The following IQSEC1 variants were observed in gnomAD, a reference collection of about 807,000 sequenced individuals.
The protein encoded by IQSEC1 is IQ motif and SEC7 domain-containing protein 1.
In IQSEC1, 31 loss-of-function variants were observed where a neutral mutation model predicts 91.0. The observed-to-expected ratio is 0.34, with a 90% CI of 0.26 to 0.46. The LOEUF (loss-of-function observed/expected upper bound fraction) is 0.46. Among genes scored for constraint, IQSEC1 ranks in the 20% least tolerant of loss-of-function variants. The probability of loss-of-function intolerance (pLI) is 1.00; values close to 1 mark genes in which losing one functional copy is unlikely to be tolerated. For synonymous variants in IQSEC1, 699 were observed against 662.6 expected (o/e 1.05, Z -0.84); for missense variants, 1,388 against 1,575.6 (o/e 0.88, Z 2.02).
At position 13,194,842 on chromosome 3, in the gene IQSEC1, C is replaced by T. The variant is rs147066262; in HGVS notation, c.273-30709G>A. Among the ~76,000 whole-genome samples, 56 of 152,286 alleles carry T rather than the reference C, an allele frequency of 3.7e-4. No individual in the cohort carries two copies. In the East Asian group the frequency reaches 0.01, roughly 27 times the overall value. ...CAAACTCCAGCCTCAACCTCAGACC[C>T]TAACCCAAAGTGGATCATCGGCTTA... is the stretch of plus-strand genomic sequence containing the variant. On this transcript the variant is annotated intron_variant, in intron 1 of 15. Coordinates refer to the IQSEC1 transcript ENST00000648114.
chr3:13,064,665 C>A (rs142587306), intron 1 of IQSEC1, among the ~76,000 whole-genome samples: 62 of 152,200 alleles, frequency 4.1e-4, no homozygotes, highest in African/African-American at 1.3e-3. Flanking sequence ...CCCTCGACTG[C>A]GAGAGCAGTT....
In IQSEC1 at chr3:12,922,018, C is replaced by T; in HGVS notation, c.1853+102G>A. 7.1e-7 allele frequency: 1 copy of T among 1,400,512 alleles called. No homozygotes were observed. Among genetic ancestry groups the T allele is most frequent in the Non-Finnish European group, 9.5e-7 (1 of 1,050,580 alleles). The allele number at this position is 1,400,512 out of a possible 1,614,324, so 86.8% of individuals were successfully genotyped here. A position where few individuals can be genotyped will look rare whatever the true frequency, so the allele number is the denominator to read the frequency against. On this transcript the variant is annotated intron_variant, in intron 5 of 13. Coordinates refer to ENST00000613206, the MANE Select transcript of IQSEC1 (RefSeq NM_001134382.3). The surrounding 1 kb of genome is among the most constrained non-coding windows in gnomAD (Gnocchi z 5.1). Reference sequence around the variant, plus strand: ...AACATTCAGGGACACCTGGCCCTGTCTAGGGATGGTGGGGATGCAGTCTTT... The same window carrying T: ...AACATTCAGGGACACCTGGCCCTGTTTAGGGATGGTGGGGATGCAGTCTTT...
At chr3:13,275,219 T>C (rs1695654349) in intron 1 of IQSEC1, among the ~76,000 whole-genome samples, 1 of 152,244 alleles carries the variant, frequency 6.6e-6, no homozygotes, top group Non-Finnish European at 1.5e-5. Context: ...CGGTTATTGC[T>C]GTGGCCTCAC....
chr3:12,910,068 A>G (rs1177560064), intron 10 of IQSEC1, among the ~76,000 whole-genome samples: 1 of 152,238 alleles, frequency 6.6e-6, no homozygotes, highest in Admixed American at 6.5e-5. Context: ...ACATGTATGT[A>G]TATGCAGCCC....
intron 2 of IQSEC1, among the ~76,000 whole-genome samples, chr3:13,154,677 C>T (rs1707059304): frequency 6.6e-6 from 1 of 150,758 alleles, no homozygotes; most frequent in Non-Finnish European, 1.5e-5. Context: ...AACGCAGAGT[C>T]CTCTAGTGGA....
At chr3:13,014,741 AC>A (rs1481614454) in intron 1 of IQSEC1, among the ~76,000 whole-genome samples, 3 of 151,966 alleles carry the variant, frequency 2.0e-5, no homozygotes, top group Non-Finnish European at 2.9e-5. Context: ...TGGCCCAAGG[AC>A]CCCAAGAGGT....
intron 2 of IQSEC1, among the ~76,000 whole-genome samples, chr3:13,109,909 G>A (rs963762436): frequency 2.0e-5 from 3 of 146,926 alleles, no homozygotes; most frequent in Non-Finnish European, 4.5e-5. Context: ...TTTTGAGACG[G>A]AGTCTAGCTG....
intron 1 of IQSEC1, among the ~76,000 whole-genome samples, chr3:12,949,690 T>C (rs1699409767): frequency 6.6e-6 from 1 of 152,196 alleles, no homozygotes; most frequent in Non-Finnish European, 1.5e-5. Flanking sequence ...GGGGATGGTC[T>C]TGTTCTGCAC....
In IQSEC1 at chr3:12,936,197, G is replaced by A. The variant is rs780905093; in HGVS notation, c.819C>T (p.Gly273=). ...RDTEPQTALH[G]MDHRKLDEMT... is the part of the protein sequence containing the mutation. ...TCTCGTCCAGTTTGCGGTGGTCCATGCCGTGCAGGGCTGTCTGGGGTTCGG... is the reference window on the plus strand; with the variant it reads ...TCTCGTCCAGTTTGCGGTGGTCCATACCGTGCAGGGCTGTCTGGGGTTCGG... Residue 273 remains glycine, a synonymous_variant, in exon 3 of 14, where the codon GGC becomes GGT. Transcript: ENST00000613206. 5.0e-6 allele frequency: 8 copies of A among 1,613,032 alleles called. No homozygotes were observed. The highest frequency in any genetic ancestry group is 1.7e-5 in the Admixed American group (1 of 60,032).
intron 1 of IQSEC1, among the ~76,000 whole-genome samples, chr3:13,039,302 G>A (rs1198092397): frequency 2.0e-5 from 3 of 152,190 alleles, no homozygotes; most frequent in South Asian, 2.1e-4. Context: ...TCCCCTGCCC[G>A]AGCCTCTGGC....
At chr3:13,227,375 CAAAAAA>C (rs753199634) in intron 1 of IQSEC1, among the ~76,000 whole-genome samples, 3 of 70,060 alleles carry the variant, frequency 4.3e-5, no homozygotes, top group Non-Finnish European at 7.5e-5. Context: ...GACTCTGTCT[CAAAAAA>C]AAAAAAAAAA....
At position 13,121,995 on chromosome 3, in the gene IQSEC1, G is replaced by A. The variant is rs571376026; in HGVS notation, c.302+42109C>T. On this transcript the variant is annotated intron_variant, in intron 2 of 15. Transcript: ENST00000648114. ...CTGAAATAGTTCAGGTCGGCCAGGC[G>A]CAGGCAGGAGCTGACAGCACTGGCC... Among the ~76,000 whole-genome samples, 210 of 152,368 alleles carry A rather than the reference G, an allele frequency of 1.4e-3. 1 individual carries two copies. Among genetic ancestry groups the A allele is most frequent in the South Asian group, 7.9e-3 (38 of 4,832 alleles).
At chr3:12,956,908 C>T (rs1208650364) in intron 1 of IQSEC1, among the ~76,000 whole-genome samples, 4 of 152,204 alleles carry the variant, frequency 2.6e-5, no homozygotes, top group Non-Finnish European at 5.9e-5. Flanking sequence ...CCAACGGGAG[C>T]GTGGGAATCG....
At chr3:13,076,160 C>A (rs1342304393), upstream of IQSEC1, among the ~76,000 whole-genome samples, 1 of 152,196 alleles carries the variant, frequency 6.6e-6, no homozygotes, top group East Asian at 1.9e-4. Flanking sequence ...GGTTGCTGCC[C>A]TGTGACCCTG....
At chr3:13,095,280 C>T (rs1222648753) in intron 2 of IQSEC1, among the ~76,000 whole-genome samples, 1 of 152,086 alleles carries the variant, frequency 6.6e-6, no homozygotes, top group Non-Finnish European at 1.5e-5. Flanking sequence ...CCGACCCCCA[C>T]CTCCCAGGGC....
In IQSEC1 at chr3:12,994,457, C is replaced by A. The variant is rs1191955483; in HGVS notation, c.24-52592G>T. On this transcript the variant is annotated intron_variant, in intron 1 of 13. Coordinates refer to ENST00000613206, the MANE Select transcript of IQSEC1 (RefSeq NM_001134382.3). The surrounding 1 kb of genome is among the most constrained non-coding windows in gnomAD (Gnocchi z 4.5). Reference sequence around the variant, plus strand: ...GGTGCAGCCGCTGCAGCGGATGGGTCAGGAGAGCGGGGTACGCGGGGTCCA... The same window carrying A: ...GGTGCAGCCGCTGCAGCGGATGGGTAAGGAGAGCGGGGTACGCGGGGTCCA... 4.6e-5 allele frequency among the ~76,000 whole-genome samples: 7 copies of A among 151,988 alleles called. No homozygotes were observed. The highest frequency in any genetic ancestry group is 1.7e-4 in the African/African-American group (7 of 41,392).
intron 7 of IQSEC1, among the ~76,000 whole-genome samples, 200 bp from the exon 8 acceptor site, chr3:12,915,333 G>A (rs1172130595): frequency 1.3e-5 from 2 of 152,194 alleles, no homozygotes; most frequent in Non-Finnish European, 2.9e-5. Flanking sequence ...AGTGTCGGGT[G>A]CCCAGAACTC....
intron 1 of IQSEC1, among the ~76,000 whole-genome samples, chr3:12,988,444 T>C (rs2006859): frequency 0.031 from 4,723 of 152,012 alleles, 133 homozygotes; most frequent in Admixed American, 0.05. Context: ...TAAAAATAAA[T>C]ACAATAAAAA....
intron 1 of IQSEC1, among the ~76,000 whole-genome samples, chr3:13,234,379 G>GAC (rs5846805): frequency 4.5e-5 from 5 of 110,594 alleles, no homozygotes; most frequent in Non-Finnish European, 8.6e-5. Context: ...ATGTCCATGT[G>GAC]AGCCTGGGCA....
Sources: gnomAD v4.1 joint callset for allele counts (sites outside exome capture counted in the v4.1 genomes callset) on GRCh38, gnomAD v4.1.1 for gene constraint, Gnocchi (gnomAD v3.1) non-coding constraint, MANE v1.5 for transcripts, NCBI Gene and HGNC (gene_info 2026-07-23, HGNC 2026-07-21) for gene names.